NFIA: variants seen among roughly 807,000 people sequenced by gnomAD.
NFIA encodes the protein nuclear factor I A.
In NFIA, 8 loss-of-function variants were observed where a neutral mutation model predicts 62.8. That is an observed-to-expected ratio of 0.13 (90% CI 0.07 to 0.23). The LOEUF (loss-of-function observed/expected upper bound fraction) is 0.23, where lower values mean the gene tolerates loss of function less well. Ranked by LOEUF, NFIA falls within the 10% of genes least tolerant of loss-of-function variation. NFIA has a pLI of 1.00. For synonymous variants in NFIA, 235 were observed against 238.1 expected, an observed-to-expected ratio of 0.99 and a Z score of 0.12; for missense variants, 410 against 642.1, an observed-to-expected ratio of 0.64 and a Z score of 3.91.
intron 2 of NFIA, among the ~76,000 whole-genome samples, chr1:61,151,157 GAGA>G (rs1648370893): frequency 6.6e-6 from 1 of 152,198 alleles, no homozygotes; most frequent in Non-Finnish European, 1.5e-5. Flanking sequence ...ATAGGCTGGA[GAGA>G]AGGACACACA....
At chr1:61,338,222 G>A (rs894470281) in intron 4 of NFIA, among the ~76,000 whole-genome samples, 1 of 152,224 alleles carries the variant, frequency 6.6e-6, no homozygotes, top group African/African-American at 2.4e-5. Flanking sequence ...TACCCGGACT[G>A]ATTTTTGGTT....
chr1:61,344,358 A>G (rs767185073), intron 4 of NFIA, among the ~76,000 whole-genome samples: 1 of 152,240 alleles, frequency 6.6e-6, no homozygotes, highest in Non-Finnish European at 1.5e-5. Flanking sequence ...CTGGGTCCAT[A>G]GAACTCTGTG....
At chr1:61,378,004 TAAG>T (rs1664233584) in intron 6 of NFIA, among the ~76,000 whole-genome samples, 2 of 152,186 alleles carry the variant, frequency 1.3e-5, no homozygotes, top group African/African-American at 4.8e-5. Context: ...ATCTCCCCTT[TAAG>T]AAGATACCTA....
At chr1:61,080,124 C>T (rs1646078062), upstream of NFIA, among the ~76,000 whole-genome samples, 2 of 152,060 alleles carry the variant, frequency 1.3e-5, 1 homozygote, top group South Asian at 4.1e-4. Context: ...GCCTAGAGGG[C>T]GCAAACAATC....
intron 3 of NFIA, among the ~76,000 whole-genome samples, chr1:61,290,970 A>G (rs2782548): frequency 0.8 from 121,932 of 152,120 alleles, 49,993 homozygotes; most frequent in Middle Eastern, 0.91. Context: ...AGGTAGGGGA[A>G]TGATGAATTA....
At chr1:61,421,166 T>C (rs1666600904) in intron 9 of NFIA, among the ~76,000 whole-genome samples, 1 of 152,174 alleles carries the variant, frequency 6.6e-6, no homozygotes, top group African/African-American at 2.4e-5. Flanking sequence ...TTCTGTCCTT[T>C]ACACCCTGCA....
At chr1:61,413,825 G>A (rs540547211) in intron 9 of NFIA, among the ~76,000 whole-genome samples, 31 of 151,304 alleles carry the variant, frequency 2.0e-4, no homozygotes, top group Non-Finnish European at 2.9e-4. Flanking sequence ...ACAGGGTTTC[G>A]CCATATTGGC....
At chr1:61,182,881 T>C (rs1211548243) in intron 2 of NFIA, among the ~76,000 whole-genome samples, 2 of 152,236 alleles carry the variant, frequency 1.3e-5, no homozygotes, top group Non-Finnish European at 2.9e-5. Context: ...CTTATGATTG[T>C]AGTCAACCTT....
At chr1:61,180,890 GGATTTAGAATC>G (rs1379530714) in intron 2 of NFIA, among the ~76,000 whole-genome samples, 1 of 152,196 alleles carries the variant, frequency 6.6e-6, no homozygotes, top group Non-Finnish European at 1.5e-5. Context: ...CTATAGTACA[GGATTTAGAATC>G]TTTATTTCTC....
intron 7 of NFIA, among the ~76,000 whole-genome samples, chr1:61,389,991 A>G (rs1204912637): frequency 1.3e-5 from 2 of 152,210 alleles, no homozygotes; most frequent in African/African-American, 4.8e-5. Context: ...CTCTAGTAGT[A>G]GAGTGAACAA....
At position 61,413,117 on chromosome 1, in the gene NFIA, T is replaced by C. The variant is rs144531833; in HGVS notation, c.1420+6390T>C. Among the ~76,000 whole-genome samples the C allele has an allele frequency of 3.1e-3, 469 of 152,290 alleles. 2 individuals are homozygous for C. Among genetic ancestry groups the C allele is most frequent in the African/African-American group, 0.011 (453 of 41,576 alleles). ...AAAGACCTATCAATATGTTTCTCCA[T>C]GCCTTCTTCACTATGAACTTTGAAT... On this transcript the variant is annotated intron_variant, in intron 9 of 10. Coordinates refer to ENST00000403491, the MANE Select transcript of NFIA (RefSeq NM_001134673.4).
intron 2 of NFIA, among the ~76,000 whole-genome samples, chr1:61,261,282 G>T (rs1195397695): frequency 1.3e-5 from 2 of 152,088 alleles, no homozygotes; most frequent in Non-Finnish European, 2.9e-5. Flanking sequence ...AATACAGATG[G>T]TCTCTAACTT....
At chr1:61,217,834 C>G (rs1250478008) in intron 2 of NFIA, among the ~76,000 whole-genome samples, 2 of 152,196 alleles carry the variant, frequency 1.3e-5, no homozygotes, top group Non-Finnish European at 2.9e-5. Context: ...AGCTCTGCCA[C>G]TTAAGAATTC....
chr1:61,254,429 C>A (rs1435557851), intron 2 of NFIA, among the ~76,000 whole-genome samples: 1 of 152,108 alleles, frequency 6.6e-6, no homozygotes, highest in African/African-American at 2.4e-5. Flanking sequence ...AGAGCATTGA[C>A]ACAACTCTAG....
chr1:61,211,722 A>G (rs947252494), intron 2 of NFIA, among the ~76,000 whole-genome samples: 5 of 152,096 alleles, frequency 3.3e-5, no homozygotes, highest in Non-Finnish European at 2.9e-5. Flanking sequence ...TTTCGAGACA[A>G]AGTCTGGCTC....
At chr1:61,164,501 C>A (rs771876226) in intron 2 of NFIA, among the ~76,000 whole-genome samples, 5 of 151,876 alleles carry the variant, frequency 3.3e-5, no homozygotes, top group Non-Finnish European at 7.4e-5. Flanking sequence ...GCTCTGTCGC[C>A]CAGGCTGGAG....
intron 2 of NFIA, among the ~76,000 whole-genome samples, chr1:61,240,433 T>C (rs1655275856): frequency 6.6e-6 from 1 of 152,080 alleles, no homozygotes; most frequent in East Asian, 1.9e-4. Flanking sequence ...TCTTTAGGCT[T>C]TATCACCGTA....
At chr1:61,312,932 T>C (rs1448010965) in intron 3 of NFIA, among the ~76,000 whole-genome samples, 3 of 152,228 alleles carry the variant, frequency 2.0e-5, no homozygotes, top group Non-Finnish European at 4.4e-5. Flanking sequence ...ACCTTTTACT[T>C]TTAATTTATA....
intron 2 of NFIA, among the ~76,000 whole-genome samples, chr1:61,170,557 C>A: frequency 6.6e-6 from 1 of 152,166 alleles, no homozygotes; most frequent in East Asian, 1.9e-4. Context: ...TTTCTGGATG[C>A]TTAGGACTGT....
Sources: allele counts gnomAD v4.1 joint callset (sites outside exome capture counted in the v4.1 genomes callset), GRCh38; gene constraint gnomAD v4.1.1; transcripts MANE v1.5; gene names NCBI Gene and HGNC (gene_info 2026-07-23, HGNC 2026-07-21).